The following PDE8B variants were observed in gnomAD, a reference collection of about 807,000 sequenced individuals.
PDE8B encodes the protein phosphodiesterase 8B.
Under a neutral mutation model 101.3 loss-of-function variants are expected in PDE8B, and 26 were observed. That is an observed-to-expected ratio of 0.26 (90% confidence interval 0.19 to 0.36). The LOEUF (loss-of-function observed/expected upper bound fraction) is 0.36, where lower values mean the gene tolerates loss of function less well. Ranked by LOEUF, PDE8B falls within the 10% of genes least tolerant of loss-of-function variation. The pLI, the probability that PDE8B is intolerant of heterozygous loss-of-function variation, is 1.00. For missense variants in PDE8B, 810 were observed against 1,163.1 expected (o/e 0.70, Z 4.42); for synonymous variants, 424 against 429.3 (o/e 0.99, Z 0.15).
At chr5:77,252,712 T>C (rs1270975545) in intron 1 of PDE8B, among the ~76,000 whole-genome samples, 4 of 152,220 alleles carry the variant, frequency 2.6e-5, no homozygotes, top group African/African-American at 7.2e-5. Context: ...TGGAAAGGGG[T>C]AAATATAATC....
intron 5 of PDE8B, among the ~76,000 whole-genome samples, chr5:77,336,493 C>G (rs1200795200): frequency 3.9e-5 from 6 of 152,202 alleles, no homozygotes; most frequent in Non-Finnish European, 7.3e-5. Context: ...GTGAATTTTT[C>G]TGTCTGGATT....
At position 77,298,067 on chromosome 5, in the gene PDE8B, T is replaced by C. The variant is rs116914676; in HGVS notation, c.340-13927T>C. On this transcript the variant is annotated intron_variant, in intron 1 of 21. Transcript: ENST00000264917. ...TTTCTGTGTAGTATCTGGCACATAA[T>C]AGATGCTTGATGAAAGTTTGTGGAT... Among the ~76,000 whole-genome samples the C allele has an allele frequency of 2.4e-4, 36 of 152,326 alleles. No homozygotes were observed. The East Asian group carries it at 6.8e-3, about 29-fold the overall frequency.
At chr5:77,151,614 T>C in the PDE8B span, among the ~76,000 whole-genome samples, 7 of 152,246 alleles carry the variant, frequency 4.6e-5, no homozygotes, top group Admixed American at 4.6e-4. Context: ...ATCTACAATA[T>C]GCTTTATCAT....
At chr5:77,155,725 C>A in the PDE8B span, among the ~76,000 whole-genome samples, 1 of 152,182 alleles carries the variant, frequency 6.6e-6, no homozygotes, top group African/African-American at 2.4e-5. Context: ...GGTTGCCTAA[C>A]TTGCCGATGA....
At chr5:77,351,553 C>T (rs1027274045) in intron 9 of PDE8B, among the ~76,000 whole-genome samples, 1 of 152,116 alleles carries the variant, frequency 6.6e-6, no homozygotes, top group East Asian at 1.9e-4. Context: ...TCCTCCAGGC[C>T]GGTTCTGGAC....
intron 10 of PDE8B, among the ~76,000 whole-genome samples, chr5:77,355,338 T>A (rs1390253959): frequency 6.6e-6 from 1 of 152,232 alleles, no homozygotes; most frequent in Non-Finnish European, 1.5e-5. Context: ...GATTTTCTAA[T>A]AACAAAGCAT....
the PDE8B span, among the ~76,000 whole-genome samples, chr5:77,164,039 C>T: frequency 6.6e-6 from 1 of 152,184 alleles, no homozygotes; most frequent in South Asian, 2.1e-4. Context: ...TTCTAAATAG[C>T]TCAATGCTAT....
the PDE8B span, among the ~76,000 whole-genome samples, chr5:77,149,835 T>C: frequency 6.6e-6 from 1 of 152,248 alleles, no homozygotes. Context: ...ACTCTCAGTC[T>C]GCTTTTAATG....
chr5:77,138,613 G>C, the PDE8B span, among the ~76,000 whole-genome samples: 1 of 152,150 alleles, frequency 6.6e-6, no homozygotes, highest in Non-Finnish European at 1.5e-5. Flanking sequence ...GACTTTTTAG[G>C]TTCCACTACT....
At chr5:77,140,601 C>T in the PDE8B span, 1 of 152,138 alleles carries the variant, frequency 6.6e-6, no homozygotes, top group Non-Finnish European at 1.5e-5. Flanking sequence ...AGGAATGGCA[C>T]CAGGTTCAAG....
At chr5:77,221,704 A>G (rs146546168) in intron 1 of PDE8B, among the ~76,000 whole-genome samples, 9 of 152,310 alleles carry the variant, frequency 5.9e-5, no homozygotes, top group South Asian at 2.1e-4. Flanking sequence ...CTAAGGTGAC[A>G]GGAGTTCTTT....
At chr5:77,274,083 A>G (rs772910305) in intron 1 of PDE8B, among the ~76,000 whole-genome samples, 1 of 152,102 alleles carries the variant, frequency 6.6e-6, no homozygotes, top group Non-Finnish European at 1.5e-5. Context: ...CGGCCTCCCA[A>G]CGTGATGGGA....
At chr5:77,123,356 T>TCCCCCCCCCCCCC in the PDE8B span, among the ~76,000 whole-genome samples, 1 of 145,842 alleles carries the variant, frequency 6.9e-6, no homozygotes, top group African/African-American at 2.5e-5. Context: ...GTTGAATTCC[T>TCCCCCCCCCCCCC]CCCCCACCGC....
intron 10 of PDE8B, among the ~76,000 whole-genome samples, chr5:77,391,359 G>T (rs894942531): frequency 1.3e-5 from 2 of 152,150 alleles, no homozygotes; most frequent in African/African-American, 2.4e-5. Flanking sequence ...CCACAATAGG[G>T]TTCCTGACGG....
intron 10 of PDE8B, among the ~76,000 whole-genome samples, chr5:77,369,511 A>G (rs1387874507): frequency 6.6e-6 from 1 of 152,176 alleles, no homozygotes; most frequent in Non-Finnish European, 1.5e-5. Context: ...GAGATCCGAA[A>G]TGGCATGCTG....
chr5:77,362,163 G>T (rs1367963739), intron 10 of PDE8B, among the ~76,000 whole-genome samples: 1 of 152,172 alleles, frequency 6.6e-6, no homozygotes, highest in South Asian at 2.1e-4. Flanking sequence ...TAAATGATGG[G>T]CAAGGCTATG....
chr5:77,106,726 A>G, the PDE8B span, among the ~76,000 whole-genome samples: 3 of 152,168 alleles, frequency 2.0e-5, no homozygotes, highest in Admixed American at 6.5e-5. Flanking sequence ...CTTCAGATCC[A>G]TGAATATGAT....
the PDE8B span, among the ~76,000 whole-genome samples, chr5:77,153,572 C>CT: frequency 0.041 from 5,443 of 131,454 alleles, 278 homozygotes; most frequent in African/African-American, 0.09. Context: ...CAGCTTTACT[C>CT]TTTTTTTTTT....
intron 10 of PDE8B, among the ~76,000 whole-genome samples, chr5:77,378,009 T>TACACACACACACACACACACACAC (rs3031820): frequency 7.4e-6 from 1 of 134,392 alleles, no homozygotes; most frequent in African/African-American, 3.0e-5. Context: ...CCTCTCTCTC[T>TACACACACACACACACACACACAC]ACACACACAC....
Sources: allele counts gnomAD v4.1 joint callset (sites outside exome capture counted in the v4.1 genomes callset), GRCh38; gene constraint gnomAD v4.1.1; transcripts MANE v1.5; gene names NCBI Gene and HGNC (gene_info 2026-07-23, HGNC 2026-07-21).